WRAP73: variants seen among roughly 807,000 people sequenced by gnomAD.
The protein encoded by WRAP73 is WD repeat-containing protein WRAP73.
In WRAP73, 55 loss-of-function variants were observed where a neutral mutation model predicts 59.6. The ratio of observed to expected loss-of-function variants is 0.92; its 90% confidence interval spans 0.74 to 1.15. The LOEUF is 1.15. Among genes scored for constraint, WRAP73 ranks in the 50% most tolerant of loss-of-function variants. The pLI is 0.00. For missense variants in WRAP73, 592 were observed against 608.1 expected, an observed-to-expected ratio of 0.97 and a Z score of 0.28; for synonymous variants, 265 against 258.2, an observed-to-expected ratio of 1.03 and a Z score of -0.25.
At position 3,632,320 on chromosome 1, in the gene WRAP73, G is replaced by A. The variant is rs1557453669; in HGVS notation, c.941C>T (p.Pro314Leu). ...AGGTTTCAGTGTCTGTAAGGAGACT[G>A]GGACAGAGGCGATCTCATCTAGAAC... is the stretch of plus-strand genomic sequence containing the variant. ...SESKYEIASV[P>L]VSLQTLKPVT... Residue 314 changes from proline (P) to leucine (L), a missense_variant, in exon 10 of 12, where the codon CCA becomes CTA. By Grantham distance (98) the Pro-to-Leu change is moderately conservative. Transcript: ENST00000270708. The A allele has an allele frequency of 8.1e-6, 13 of 1,614,176 alleles. No homozygotes were observed. Among genetic ancestry groups the A allele is most frequent in the Non-Finnish European group, 1.0e-5 (12 of 1,180,038 alleles).
At chr1:3,634,869 G>C (rs868868856) in intron 8 of WRAP73, 128 bp downstream of exon 8, 9 of 1,103,992 alleles carry the variant, frequency 8.2e-6, no homozygotes, top group African/African-American at 1.5e-5. Context: ...TGTCACAGTA[G>C]CAAGTTTACG....
At chr1:3,631,310 CCT>C (rs1491189160) in intron 11 of WRAP73, 154 bp downstream of exon 11, 132 of 1,296,454 alleles carry the variant, frequency 1.0e-4, no homozygotes, top group Non-Finnish European at 1.3e-4. Context: ...CAGCGGGTCC[CCT>C]GTGTGTCCGT....
Position 3,630,921 on chromosome 1 carries a change from C to A in WRAP73, c.*54G>T. 6.4e-7 allele frequency: 1 copy of A among 1,566,440 alleles called. No individual in the cohort carries two copies. The highest frequency in any genetic ancestry group is 8.7e-7 in the Non-Finnish European group (1 of 1,153,028). ...ACCTCCTGGTGAAGCTGTGTTTTTT[C>A]CCACACTGGAAACACAGAGTAGCCC... On this transcript the variant is annotated 3_prime_UTR_variant, in exon 12 of 12. Transcript: ENST00000270708.
rs368082697 is a variant in WRAP73, at chr1:3,647,438, C to A, written c.192G>T (p.Leu64=). 6.2e-7 allele frequency: 1 copy of A among 1,613,768 alleles called. No individual in the cohort carries two copies. Among genetic ancestry groups the A allele is most frequent in the South Asian group, 1.1e-5 (1 of 91,064 alleles). ...IEWSADSLFI[L]CAMYKRGLVQ... ...CCAGCCCTCGCTTGTACATGGCGCA[C>A]AGGATGAAGAGCGAGTCTGCCGACC... Residue 64 remains leucine, a synonymous_variant, in exon 2 of 12, where the codon CTG becomes CTT. Coordinates refer to ENST00000270708, the MANE Select transcript of WRAP73 (RefSeq NM_017818.4).
intron 9 of WRAP73, 114 bp downstream of exon 9, chr1:3,633,284 G>A: frequency 9.9e-7 from 1 of 1,005,688 alleles, no homozygotes; most frequent in Non-Finnish European, 1.6e-6. Context: ...CTGGAAGCAT[G>A]GAAGGGAAAA....
chr1:3,642,215 C>T (rs185258047), intron 3 of WRAP73, among the ~76,000 whole-genome samples: 118 of 152,190 alleles, frequency 7.8e-4, no homozygotes, highest in Middle Eastern at 3.4e-3. Context: ...AAGGGAGACC[C>T]CAACTCTACA....
At position 3,635,092 on chromosome 1, in the gene WRAP73, G is replaced by A. The variant is rs1644577020; in HGVS notation, c.739-18C>T. On this transcript the variant is annotated intron_variant, in intron 7 of 11. Coordinates refer to ENST00000270708, the MANE Select transcript of WRAP73 (RefSeq NM_017818.4). ...ATGCGCACCTGAGGAAGGAAACCAT[G>A]CACAGGTGAGGCAGGGCCCGGCCCG... The A allele has an allele frequency of 1.9e-6, 3 of 1,614,062 alleles. No individual in the cohort carries two copies. The highest frequency in any genetic ancestry group is 2.5e-6 in the Non-Finnish European group (3 of 1,180,046).
chr1:3,634,258 G>C (rs573112732), intron 8 of WRAP73: 1 of 153,568 alleles, frequency 6.5e-6, no homozygotes. Context: ...ATGCATCCCC[G>C]GCAGTGGCTG....
At position 3,639,753 on chromosome 1, in the gene WRAP73, G is replaced by T. The variant is rs1215280159; in HGVS notation, c.340-931C>A. ...GACACAGGGCTGCGCAGCTCCATGTGGGGTGGGGTGCTGACTGCCAGCTCC... is the reference window on the plus strand; with the variant it reads ...GACACAGGGCTGCGCAGCTCCATGTTGGGTGGGGTGCTGACTGCCAGCTCC... On this transcript the variant is annotated intron_variant, in intron 3 of 11. Transcript: ENST00000270708. The surrounding 1 kb of genome is among the most constrained non-coding windows in gnomAD (Gnocchi z 4.3). 1 of 152,080 alleles carries T rather than the reference G, an allele frequency of 6.6e-6. No individual in the cohort carries two copies. The highest frequency in any genetic ancestry group is 1.5e-5 in the Non-Finnish European group (1 of 68,062). 9.4% of individuals were successfully genotyped at this position (152,080 alleles called of 1,614,324 possible).
At chr1:3,635,913 A>C (rs1191634448) in intron 6 of WRAP73, 31 bp downstream of exon 6, 1 of 1,592,806 alleles carries the variant, frequency 6.3e-7, no homozygotes, top group Non-Finnish European at 8.6e-7. Context: ...AAGCTCTCGA[A>C]AGCAAACATG....
intron 3 of WRAP73, among the ~76,000 whole-genome samples, chr1:3,642,737 C>CAAA (rs35743795): frequency 2.1e-5 from 2 of 96,626 alleles, no homozygotes; most frequent in Admixed American, 1.1e-4. Flanking sequence ...AACTCCATCT[C>CAAA]AAAAAAAAAA....
rs556620024 is a variant in WRAP73 at position 3,649,908 on chromosome 1, TG to T, written c.69+22del. 3 of 1,588,116 alleles carry T rather than the reference TG, an allele frequency of 1.9e-6. No homozygotes were observed. The African/African-American group carries it at 4.1e-5, about 22-fold the overall frequency. On this transcript the variant is annotated intron_variant, in intron 1 of 11. Coordinates refer to ENST00000270708, the MANE Select transcript of WRAP73 (RefSeq NM_017818.4). ...GCTGGCACCGAGGATGTCCTGCCCG[TG>T]GCCCAGGTCCCCGCCGCTCACCAGG...
rs777815861 is a variant in WRAP73, at chr1:3,639,154, C to A, written c.340-332G>T. The stretch of plus-strand genomic sequence containing the variant: ...AACCCTGAGTTACTCAGAGAAAAAT[C>A]TTGATCTAGAAACCACCACGGGTTC... On this transcript the variant is annotated intron_variant, in intron 3 of 11. Transcript: ENST00000270708. The surrounding 1 kb of genome is among the most constrained non-coding windows in gnomAD (Gnocchi z 4.3). 7 of 271,926 alleles carry A rather than the reference C, an allele frequency of 2.6e-5. No homozygotes were observed. Among genetic ancestry groups the A allele is most frequent in the Non-Finnish European group, 4.2e-5 (6 of 143,624 alleles). 16.8% of individuals were successfully genotyped at this position (271,926 alleles called of 1,614,324 possible).
At chr1:3,633,227 T>C (rs1644555874) in intron 9 of WRAP73, 171 bp downstream of exon 9, 1 of 683,976 alleles carries the variant, frequency 1.5e-6, no homozygotes, top group Non-Finnish European at 2.6e-6. Flanking sequence ...CACTGCGCAA[T>C]TCAGACCCTA....
intron 4 of WRAP73, 71 bp downstream of exon 4, chr1:3,638,679 T>C: frequency 6.3e-7 from 1 of 1,579,080 alleles, no homozygotes; most frequent in Non-Finnish European, 8.7e-7. Flanking sequence ...TCTGCCTCTT[T>C]GAAACTTCCC....
chr1:3,631,488 C>T lies in WRAP73; in HGVS notation c.1218G>A (p.Met406Ile). Residue 406 changes from methionine to isoleucine, a missense_variant, in exon 11 of 12, where the codon ATG (methionine) becomes ATA (isoleucine). Coordinates refer to ENST00000270708, the MANE Select transcript of WRAP73 (RefSeq NM_017818.4). Reference sequence around the variant, plus strand: ...TACCTTCCCCAGGCACCTGCACCGACATGCAGCCCGCTGGGGACCACAGGT... The same window carrying T: ...TACCTTCCCCAGGCACCTGCACCGATATGCAGCCCGCTGGGGACCACAGGT... ...RLYLWSPAGC[M>I]SVQVPGEGDF... The T allele has an allele frequency of 6.2e-7, 1 of 1,605,234 alleles. No individual in the cohort carries two copies. Among genetic ancestry groups the T allele is most frequent in the Non-Finnish European group, 8.5e-7 (1 of 1,176,192 alleles).
Position 3,648,737 on chromosome 1 carries a change from T to C in WRAP73, c.70-1177A>G, listed in dbSNP as rs149834309. Among the ~76,000 whole-genome samples the C allele has an allele frequency of 2.9e-3, 448 of 152,322 alleles. 8 individuals are homozygous for C. Among genetic ancestry groups the C allele is most frequent in the Admixed American group, 0.026 (394 of 15,300 alleles). ...AAAACACCCAAGTTAAGCAAGCAGA[T>C]GTAATCTTTCTCCTTATAATTCACT... On this transcript the variant is annotated intron_variant, in intron 1 of 11. Coordinates refer to ENST00000270708, the MANE Select transcript of WRAP73 (RefSeq NM_017818.4).
chr1:3,643,100 G>A (rs1644662092), intron 3 of WRAP73, among the ~76,000 whole-genome samples: 1 of 152,238 alleles, frequency 6.6e-6, no homozygotes, highest in Admixed American at 6.5e-5. Context: ...TGACGCACAC[G>A]TCCAGCAGGC....
Position 3,635,812 on chromosome 1 carries a change from C to A in WRAP73, c.603+132G>T, listed in dbSNP as rs1030859779. 3.9e-5 allele frequency: 31 copies of A among 790,580 alleles called. No homozygotes were observed. In the South Asian group the frequency reaches 5.0e-4, roughly 13 times the overall value. The allele number at this position is 790,580 out of a possible 1,614,324, so 49.0% of individuals were successfully genotyped here. On this transcript the variant is annotated intron_variant, in intron 6 of 11. Transcript: ENST00000270708. ...CTCCAGCCTGGGTGACAGAGCAAGA[C>A]CCTGTCTTTTAAAACAAAGCTCAAC...
Sources: allele counts gnomAD v4.1 joint callset (sites outside exome capture counted in the v4.1 genomes callset), GRCh38; gene constraint gnomAD v4.1.1; non-coding constraint Gnocchi (gnomAD v3.1); transcripts MANE v1.5; gene names NCBI Gene and HGNC (gene_info 2026-07-23, HGNC 2026-07-21).